SLC46A3: variants seen among roughly 807,000 people sequenced by gnomAD.
The protein encoded by SLC46A3 is solute carrier family 46 member 3.
SLC46A3 carries 26 observed loss-of-function variants against 38.5 expected under a neutral mutation model. That is an observed-to-expected ratio of 0.68 (90% CI 0.49 to 0.94). The LOEUF (loss-of-function observed/expected upper bound fraction) is 0.94, where lower values mean the gene tolerates loss of function less well. Ranked by LOEUF, SLC46A3 falls within the 40% of genes least tolerant of loss-of-function variation. SLC46A3 has a pLI of 0.00. For missense variants in SLC46A3, 510 were observed against 544.3 expected, an observed-to-expected ratio of 0.94 and a Z score of 0.63; for synonymous variants, 185 against 192.5, an observed-to-expected ratio of 0.96 and a Z score of 0.32.
At chr13:28,717,296 C>T (rs1161132) in intron 2 of SLC46A3, among the ~76,000 whole-genome samples, 49,175 of 151,566 alleles carry the variant, frequency 0.32, 8,422 homozygotes, top group Middle Eastern at 0.48. Context: ...CTCCACCCCA[C>T]CCTGTGACAG....
intron 4 of SLC46A3, among the ~76,000 whole-genome samples, chr13:28,710,505 G>A (rs1341753253): frequency 6.6e-6 from 1 of 152,236 alleles, no homozygotes; most frequent in Non-Finnish European, 1.5e-5. Flanking sequence ...TCTCCCACTT[G>A]GCCCTGAGAG....
In SLC46A3 at chr13:28,700,895, A is replaced by G. The variant is rs2137815716; in HGVS notation, c.*602T>C. Reference sequence around the variant, plus strand: ...CAACAAAGCACTGATTGTGGAATTCATGTATAGTCTTCAGAAGTCACAGTA... The same window carrying G: ...CAACAAAGCACTGATTGTGGAATTCGTGTATAGTCTTCAGAAGTCACAGTA... On this transcript the variant is annotated 3_prime_UTR_variant, in exon 6 of 6. Transcript: ENST00000266943. 2.2e-6 allele frequency: 3 copies of G among 1,354,066 alleles called. No individual in the cohort carries two copies. Among genetic ancestry groups the G allele is most frequent in the Non-Finnish European group, 3.1e-6 (3 of 974,142 alleles). The allele number at this position is 1,354,066 out of a possible 1,614,324, so 83.9% of individuals were successfully genotyped here. A position where few individuals can be genotyped will look rare whatever the true frequency, so the allele number is the denominator to read the frequency against.
chr13:28,705,885 T>C (rs1348000192), intron 4 of SLC46A3, among the ~76,000 whole-genome samples: 1 of 152,238 alleles, frequency 6.6e-6, no homozygotes, highest in Non-Finnish European at 1.5e-5. Flanking sequence ...AGTTCTATTA[T>C]GTAAGAGTTT....
intron 2 of SLC46A3, among the ~76,000 whole-genome samples, chr13:28,717,484 A>AATTTTGTTTTTTTTTTTTT (rs1322198755): frequency 1.1e-5 from 1 of 94,174 alleles, no homozygotes; most frequent in Non-Finnish European, 2.1e-5. Context: ...CAATTTTCAG[A>AATTTTGTTTTTTTTTTTTT]CTTTTTTTTT....
chr13:28,712,064 A>C (rs1325588302), intron 3 of SLC46A3, among the ~76,000 whole-genome samples: 1 of 152,208 alleles, frequency 6.6e-6, no homozygotes, highest in Admixed American at 6.5e-5. Flanking sequence ...GAAAAGAGTA[A>C]ATTGGACCTT....
chr13:28,713,030 C>G lies in SLC46A3; in HGVS notation c.710G>C (p.Gly237Ala), dbSNP rs746679759. Residue 237 changes from glycine (G) to alanine (A), a missense_variant, in exon 3 of 6, where the codon GGC becomes GCC. Transcript: ENST00000266943. ...AGTTCGGTAAAATAGGTTTTTGAAGCCTTCACTACATGACATAGTAACATT... is the reference window on the plus strand; with the variant it reads ...AGTTCGGTAAAATAGGTTTTTGAAGGCTTCACTACATGACATAGTAACATT... Reference protein sequence around the residue: ...SQNVTMSCSEGFKNLFYRTYM... With the variant: ...SQNVTMSCSEAFKNLFYRTYM... 1.2e-6 allele frequency: 2 copies of G among 1,611,686 alleles called. No homozygotes were observed. Among genetic ancestry groups the G allele is most frequent in the Non-Finnish European group, 1.7e-6 (2 of 1,179,642 alleles).
intron 5 of SLC46A3, 195 bp downstream of exon 5, chr13:28,703,748 G>C (rs1419973634): frequency 7.7e-6 from 3 of 389,120 alleles, no homozygotes; most frequent in Non-Finnish European, 1.4e-5. Context: ...CTTGCACAGG[G>C]AGCATGCCAA....
chr13:28,701,069 T>C lies in SLC46A3; in HGVS notation c.*428A>G. 1 of 1,485,780 alleles carries C rather than the reference T, an allele frequency of 6.7e-7. No homozygotes were observed. The highest frequency in any genetic ancestry group is 9.0e-7 in the Non-Finnish European group (1 of 1,116,824). The allele number at this position is 1,485,780 out of a possible 1,614,324, so 92.0% of individuals were successfully genotyped here. A position where few individuals can be genotyped will look rare whatever the true frequency, so the allele number is the denominator to read the frequency against. On this transcript the variant is annotated 3_prime_UTR_variant, in exon 6 of 6. Coordinates refer to ENST00000266943, the MANE Select transcript of SLC46A3 (RefSeq NM_181785.4). ...ATAATTTTCATTATGCCTTCAAAATTATCCCTGAGAGAGGCCAGAAACCCA... is the reference window on the plus strand; with the variant it reads ...ATAATTTTCATTATGCCTTCAAAATCATCCCTGAGAGAGGCCAGAAACCCA...
intron 4 of SLC46A3, among the ~76,000 whole-genome samples, chr13:28,707,815 T>C (rs1040954341): frequency 6.6e-6 from 1 of 152,160 alleles, no homozygotes; most frequent in African/African-American, 2.4e-5. Context: ...AGAAACTGTA[T>C]ACCCATAAGT....
At chr13:28,717,396 T>C (rs1593192517) in intron 2 of SLC46A3, among the ~76,000 whole-genome samples, 1 of 150,974 alleles carries the variant, frequency 6.6e-6, no homozygotes, top group East Asian at 1.9e-4. Context: ...TGGGGAAGAA[T>C]AGAGCAAGTG....
chr13:28,701,393 T>G lies in SLC46A3; in HGVS notation c.*104A>C, dbSNP rs1322396263. On this transcript the variant is annotated 3_prime_UTR_variant, in exon 6 of 6. Transcript: ENST00000266943. Reference sequence around the variant, plus strand: ...GTTTAGAAGAAAAGATAGGTAAAATTGGTTCTCAGTGAAGCACTGATTGTG... The same window carrying G: ...GTTTAGAAGAAAAGATAGGTAAAATGGGTTCTCAGTGAAGCACTGATTGTG... 1 of 1,507,364 alleles carries G rather than the reference T, an allele frequency of 6.6e-7. No homozygotes were observed. The highest frequency in any genetic ancestry group is 2.3e-5 in the East Asian group (1 of 43,174). The allele number at this position is 1,507,364 out of a possible 1,614,324, so 93.4% of individuals were successfully genotyped here. A position where few individuals can be genotyped will look rare whatever the true frequency, so the allele number is the denominator to read the frequency against.
chr13:28,708,053 A>G (rs990965575), intron 4 of SLC46A3, among the ~76,000 whole-genome samples: 10 of 152,242 alleles, frequency 6.6e-5, no homozygotes, highest in Admixed American at 2.6e-4. Flanking sequence ...TGCTGGATGG[A>G]TAAACCACAT....
chr13:28,701,581 A>G lies in SLC46A3; in HGVS notation c.1302T>C (p.Cys434=). The change falls in exon 6 of 6, where the codon TGT becomes TGC. Residue 434 remains cysteine (C), a splice_region_variant and synonymous_variant. Coordinates refer to ENST00000266943, the MANE Select transcript of SLC46A3 (RefSeq NM_181785.4). The part of the protein sequence containing the change: ...GLLLLPAISL[C]VVKCTSWNEG... ...CATTCCAGCTGGTACACTTGACAAC[A>G]CTATAAAAGGAAACAAGACATTTTA... 7 of 1,611,628 alleles carry G rather than the reference A, an allele frequency of 4.3e-6. No homozygotes were observed. Among genetic ancestry groups the G allele is most frequent in the Non-Finnish European group, 5.9e-6 (7 of 1,178,918 alleles).
Position 28,713,402 on chromosome 13 carries a change from G to A in SLC46A3, c.338C>T (p.Ala113Val). Residue 113 changes from alanine (A) to valine (V), a missense_variant, in exon 3 of 6, where the codon GCA becomes GTA. Transcript: ENST00000266943. ...PMILSSVGAL[A>V]TSVWLCLLCY... ...AAGCAAACAGAGCCAAACGCTGGTT[G>A]CAAGAGCACCAACGGAAGACAAAAT... The A allele has an allele frequency of 6.2e-7, 1 of 1,614,092 alleles. No homozygotes were observed. The highest frequency in any genetic ancestry group is 8.5e-7 in the Non-Finnish European group (1 of 1,180,030).
rs1353091820 is a variant in SLC46A3, at chr13:28,701,434, C to A, written c.*63G>T. On this transcript the variant is annotated 3_prime_UTR_variant, in exon 6 of 6. Coordinates refer to ENST00000266943, the MANE Select transcript of SLC46A3 (RefSeq NM_181785.4). ...ACTGATTGTGGAATTCATTTATAGT[C>A]TTCAGAAGTCATGGTATATGATATG... is the stretch of plus-strand genomic sequence containing the variant. The A allele has an allele frequency of 6.3e-7, 1 of 1,584,980 alleles. No individual in the cohort carries two copies. The highest frequency in any genetic ancestry group is 1.4e-5 in the African/African-American group (1 of 73,294).
intron 4 of SLC46A3, among the ~76,000 whole-genome samples, chr13:28,709,386 G>A (rs1340697977): frequency 1.3e-5 from 2 of 151,692 alleles, no homozygotes; most frequent in Non-Finnish European, 2.9e-5. Context: ...GAATTATGTA[G>A]CCTTCTCCAG....
Position 28,713,476 on chromosome 13 carries a change from T to G in SLC46A3, c.264A>C (p.Thr88=), listed in dbSNP as rs1405004675. 2.5e-6 allele frequency: 4 copies of G among 1,614,090 alleles called. No homozygotes were observed. ...ISGLIPGLVS[T]FILLSISDHY... is the part of the protein sequence containing the mutation. ...GATCACTAATAGACAAAAGTATGAA[T>G]GTAGACACTAGACCAGGAATTAATC... The change falls in exon 3 of 6, where the codon ACA becomes ACC. Residue 88 remains threonine (T), a synonymous_variant. Coordinates refer to ENST00000266943, the MANE Select transcript of SLC46A3 (RefSeq NM_181785.4).
chr13:28,705,891 A>T (rs1885161519), intron 4 of SLC46A3, among the ~76,000 whole-genome samples: 1 of 152,216 alleles, frequency 6.6e-6, no homozygotes, highest in Non-Finnish European at 1.5e-5. Context: ...ATTATGTAAG[A>T]GTTTTAATCT....
chr13:28,711,435 A>C (rs1036983649), intron 3 of SLC46A3, among the ~76,000 whole-genome samples: 5 of 151,838 alleles, frequency 3.3e-5, no homozygotes, highest in African/African-American at 1.2e-4. Flanking sequence ...AGAAAAAAAA[A>C]AAACAAAAAA....
Sources: gnomAD v4.1 joint callset for allele counts (sites outside exome capture counted in the v4.1 genomes callset) on GRCh38, gnomAD v4.1.1 for gene constraint, MANE v1.5 for transcripts, NCBI Gene and HGNC (gene_info 2026-07-23, HGNC 2026-07-21) for gene names.